CCNH: variants seen among roughly 807,000 people sequenced by gnomAD.
CCNH encodes cyclin-H.
CCNH carries 31 observed loss-of-function variants against 41.9 expected under a neutral mutation model. That is an observed-to-expected ratio of 0.74 (90% CI 0.56 to 1.00). CCNH has a LOEUF of 1.00. Ranked by LOEUF, CCNH falls within the 50% of genes least tolerant of loss-of-function variation. CCNH has a pLI of 0.00. For synonymous variants in CCNH, 138 were observed against 136.1 expected (o/e 1.01, Z -0.10); for missense variants, 362 against 388.4 (o/e 0.93, Z 0.57).
intron 7 of CCNH, among the ~76,000 whole-genome samples, chr5:87,399,105 T>G (rs983874334): frequency 2.6e-5 from 4 of 151,850 alleles, no homozygotes; most frequent in African/African-American, 9.7e-5. Flanking sequence ...CAGGAAAAGG[T>G]AAAAGGATTC....
chr5:87,394,549 C>T (rs1188593765), intron 8 of CCNH, 65 bp from the exon 9 acceptor site: 13 of 1,596,062 alleles, frequency 8.1e-6, no homozygotes, highest in African/African-American at 1.4e-5. Flanking sequence ...TTACCTCTTA[C>T]CTCCCTTTAA....
At chr5:87,324,568 T>A (rs1757076099) in intron 9 of CCNH, among the ~76,000 whole-genome samples, 1 of 152,182 alleles carries the variant, frequency 6.6e-6, no homozygotes, top group South Asian at 2.1e-4. Flanking sequence ...TGTAAATATG[T>A]TACCTGTTGA....
Position 87,368,140 on chromosome 5 carries a change from A to G in CCNH, c.*90+24630T>C, listed in dbSNP as rs193098150. On this transcript the variant is annotated intron_variant and NMD_transcript_variant, in intron 9 of 9. Transcript: ENST00000645953. ...TTCTTCTTGGAGTCTGGTTAAAAAA[A>G]AAGTTGCACTATTTCCCATGCTGTT... Among the ~76,000 whole-genome samples, 374 of 152,236 alleles carry G rather than the reference A, an allele frequency of 2.5e-3. 3 individuals are homozygous for G. The highest frequency in any genetic ancestry group is 8.9e-3 in the African/African-American group (368 of 41,550).
chr5:87,389,656 A>T, downstream of CCNH: 3 of 1,232,502 alleles, frequency 2.4e-6, no homozygotes, highest in Non-Finnish European at 3.5e-6. Context: ...GCATCATATT[A>T]CAAAAGATCT....
downstream of CCNH, chr5:87,375,068 A>C (rs1761229905): frequency 2.7e-6 from 3 of 1,108,894 alleles, no homozygotes; most frequent in African/African-American, 1.6e-5. Context: ...TAAAGTATTG[A>C]TTATCAAGAA....
downstream of CCNH, chr5:87,390,690 T>C: frequency 1.2e-6 from 1 of 828,972 alleles, no homozygotes; most frequent in Non-Finnish European, 2.1e-6. Context: ...ATTGTGGTAA[T>C]ATTTTATGCA....
chr5:87,379,717 A>T (rs1561325007), upstream of CCNH: 1 of 1,610,524 alleles, frequency 6.2e-7, no homozygotes, highest in South Asian at 1.1e-5. Context: ...ATTTATATTG[A>T]TTTATTCCTT....
At chr5:87,351,058 A>G (rs905055634) in intron 9 of CCNH, among the ~76,000 whole-genome samples, 4 of 151,702 alleles carry the variant, frequency 2.6e-5, no homozygotes, top group African/African-American at 4.8e-5. Flanking sequence ...GAACACAGCC[A>G]TACTCTGCTG....
Position 87,386,022 on chromosome 5 carries a change from T to C in CCNH, c.*90+6748A>G, listed in dbSNP as rs370895400. On this transcript the variant is annotated intron_variant and NMD_transcript_variant, in intron 9 of 9. Transcript: ENST00000645953. ...ACTAAGTAAATACGTTTTAGGCTTT[T>C]GCTATGTGTTACAAGATTTCCTGTC... Among the ~76,000 whole-genome samples the C allele has an allele frequency of 1.1e-4, 16 of 152,188 alleles. No homozygotes were observed. In the East Asian group the frequency reaches 2.5e-3, roughly 24 times the overall value.
rs1186565268 is a variant in CCNH, at chr5:87,395,076, C to T, written c.901G>A (p.Asp301Asn). 6.2e-7 allele frequency: 1 copy of T among 1,611,556 alleles called. No individual in the cohort carries two copies. Among genetic ancestry groups the T allele is most frequent in the South Asian group, 1.1e-5 (1 of 91,000 alleles). The change falls in exon 8 of 9, where the codon GAT becomes AAT. Residue 301 changes from aspartate (D) to asparagine (N), a missense_variant. Asp to Asn is a conservative substitution (Grantham distance 23). Coordinates refer to ENST00000256897, the MANE Select transcript of CCNH (RefSeq NM_001239.4). The part of the protein sequence containing the change: ...TKKRKGYEDD[D>N]YVSKKSKHEE... ...TGTTTGGATTTCTTTGAGACGTAAT[C>T]ATCATCTTCATAGCCTTTCCTCTTC...
intron 3 of CCNH, 23 bp from the exon 4 acceptor site, chr5:87,408,209 A>C: frequency 3.8e-6 from 3 of 780,664 alleles, no homozygotes; most frequent in Non-Finnish European, 4.0e-6. Context: ...ATAAGGAGGC[A>C]GGAGGCAGGG....
chr5:87,340,470 T>G (rs1758354510), intron 9 of CCNH, among the ~76,000 whole-genome samples: 1 of 152,056 alleles, frequency 6.6e-6, no homozygotes, highest in Admixed American at 6.6e-5. Flanking sequence ...CAGTGAGTGT[T>G]TGATTTTAGT....
exon 1 of CCNH, chr5:87,377,122 A>G: frequency 6.7e-7 from 1 of 1,485,584 alleles, no homozygotes; most frequent in Non-Finnish European, 9.3e-7. Context: ...ATCTCTGAAT[A>G]TACTAAATTG....
At chr5:87,371,534 G>T (rs1434773249), downstream of CCNH, among the ~76,000 whole-genome samples, 1 of 152,022 alleles carries the variant, frequency 6.6e-6, no homozygotes, top group Non-Finnish European at 1.5e-5. Context: ...GCTGCAATTT[G>T]ATTTGAATAT....
chr5:87,372,088 A>T, downstream of CCNH: 1 of 1,602,836 alleles, frequency 6.2e-7, no homozygotes. Flanking sequence ...ACTAGTGTAT[A>T]TTTCTTTGAA....
chr5:87,324,818 G>A (rs1490664117), intron 9 of CCNH, among the ~76,000 whole-genome samples: 1 of 151,938 alleles, frequency 6.6e-6, no homozygotes, highest in Non-Finnish European at 1.5e-5. Context: ...GGTTGTTCAA[G>A]TGAATTTACC....
chr5:87,356,640 T>A (rs938907923), intron 9 of CCNH, among the ~76,000 whole-genome samples: 3 of 152,186 alleles, frequency 2.0e-5, no homozygotes, highest in African/African-American at 4.8e-5. Flanking sequence ...CCCAAAATGC[T>A]GGGATTACAG....
intron 9 of CCNH, among the ~76,000 whole-genome samples, chr5:87,329,881 C>T (rs1157275141): frequency 6.6e-6 from 1 of 152,046 alleles, no homozygotes; most frequent in East Asian, 1.9e-4. Flanking sequence ...AATTATAGTT[C>T]CTTAGGGTTC....
intron 7 of CCNH, among the ~76,000 whole-genome samples, chr5:87,398,968 A>G (rs1321193142): frequency 2.6e-5 from 4 of 151,368 alleles, no homozygotes; most frequent in Non-Finnish European, 4.4e-5. Flanking sequence ...GCGAGACTCC[A>G]TCTCAAAGAA....
Sources: allele counts gnomAD v4.1 joint callset (sites outside exome capture counted in the v4.1 genomes callset), GRCh38; gene constraint gnomAD v4.1.1; transcripts MANE v1.5; gene names NCBI Gene and HGNC (gene_info 2026-07-23, HGNC 2026-07-21).